The following SP4 variants were observed in gnomAD, a reference collection of about 807,000 sequenced individuals.
SP4 encodes transcription factor Sp4.
Under a neutral mutation model 72.8 loss-of-function variants are expected in SP4, and 19 were observed. The observed-to-expected ratio is 0.26, with a 90% CI of 0.18 to 0.38. The LOEUF (loss-of-function observed/expected upper bound fraction) is 0.38, where lower values mean the gene tolerates loss of function less well. Among genes scored for constraint, SP4 ranks in the 10% least tolerant of loss-of-function variants. The probability of loss-of-function intolerance (pLI) is 1.00; values close to 1 mark genes in which losing one functional copy is unlikely to be tolerated. For synonymous variants in SP4, 395 were observed against 333.1 expected, an observed-to-expected ratio of 1.19 and a Z score of -2.02; for missense variants, 1,008 against 926.3, an observed-to-expected ratio of 1.09 and a Z score of -1.14.
chr7:21,451,144 G>A (rs771682291), intron 3 of SP4, among the ~76,000 whole-genome samples: 2 of 152,148 alleles, frequency 1.3e-5, no homozygotes, highest in Non-Finnish European at 2.9e-5. Flanking sequence ...ATGCTCTCTT[G>A]AGCTGTTTTT....
At chr7:21,468,924 G>T (rs1170724869) in intron 3 of SP4, among the ~76,000 whole-genome samples, 1 of 152,076 alleles carries the variant, frequency 6.6e-6, no homozygotes, top group Non-Finnish European at 1.5e-5. Flanking sequence ...CATACTTCTG[G>T]TGGAAATGTA....
intron 5 of SP4, among the ~76,000 whole-genome samples, chr7:21,502,460 C>T (rs1781896158): frequency 6.6e-6 from 1 of 152,030 alleles, no homozygotes; most frequent in Non-Finnish European, 1.5e-5. Context: ...ATGACAGACT[C>T]TTACAAGTCT....
At chr7:21,448,354 A>G (rs1282712177) in intron 3 of SP4, among the ~76,000 whole-genome samples, 1 of 152,182 alleles carries the variant, frequency 6.6e-6, no homozygotes, top group Admixed American at 6.5e-5. Context: ...TAAGAATCCT[A>G]CTGTTTTTTA....
In SP4 at chr7:21,429,605, C is replaced by T. The variant is rs371357467; in HGVS notation, c.440C>T (p.Thr147Ile). The T allele has an allele frequency of 5.0e-6, 8 of 1,614,172 alleles. No individual in the cohort carries two copies. Among genetic ancestry groups the T allele is most frequent in the Non-Finnish European group, 5.9e-6 (7 of 1,179,998 alleles). Residue 147 changes from threonine to isoleucine, a missense_variant, in exon 3 of 6, where the codon ACC becomes ATC. Thr to Ile is a moderately conservative substitution (Grantham distance 89, BLOSUM62 -1). Around this residue, in one of 3 missense-constraint regions of SP4, gnomAD observed 893 missense variants for 743.3 expected, o/e 1.20. Transcript: ENST00000222584. ...AAAACTAAATCAGGTAATTCTTCCA[C>T]CCCTGGTCAATTTCAAGTCATACAA... ...PTKTKSGNSS[T>I]PGQFQVIQVQ...
chr7:21,464,537 C>G (rs939857265), intron 3 of SP4, among the ~76,000 whole-genome samples: 3 of 151,990 alleles, frequency 2.0e-5, no homozygotes, highest in African/African-American at 7.2e-5. Flanking sequence ...TCTGATACAC[C>G]CCTGCTCCGT....
At chr7:21,490,071 C>T (rs1052584498) in intron 5 of SP4, among the ~76,000 whole-genome samples, 2 of 152,196 alleles carry the variant, frequency 1.3e-5, no homozygotes, top group Non-Finnish European at 2.9e-5. Flanking sequence ...CCATTGACTA[C>T]ACTAAAAACT....
chr7:21,428,209 T>G lies in SP4; in HGVS notation c.-43T>G. ...CCTCGCCCCCACCCCCACCCACCTCTATCCCAGTGTCTCCGTCTGAGGGTT... is the reference window on the plus strand; with the variant it reads ...CCTCGCCCCCACCCCCACCCACCTCGATCCCAGTGTCTCCGTCTGAGGGTT... On this transcript the variant is annotated 5_prime_UTR_variant, in exon 1 of 6. Coordinates refer to ENST00000222584, the MANE Select transcript of SP4 (RefSeq NM_003112.5). The G allele has an allele frequency of 2.3e-6, 1 of 440,850 alleles. No individual in the cohort carries two copies. 27.3% of individuals were successfully genotyped at this position (440,850 alleles called of 1,614,324 possible). A position where few individuals can be genotyped will look rare whatever the true frequency, so the allele number is the denominator to read the frequency against.
At chr7:21,428,307 C>G (rs1055430930) in intron 1 of SP4, 49 bp downstream of exon 1, 4 of 1,023,672 alleles carry the variant, frequency 3.9e-6, no homozygotes, top group Non-Finnish European at 6.0e-6. Flanking sequence ...TCCCTCTCTC[C>G]CTCCCTCCCC....
chr7:21,478,644 ATGTT>A (rs1302870709), intron 4 of SP4, among the ~76,000 whole-genome samples: 13 of 152,300 alleles, frequency 8.5e-5, no homozygotes, highest in Admixed American at 7.8e-4. Flanking sequence ...CTTATTGGCC[ATGTT>A]TGTATCTTTG....
intron 3 of SP4, among the ~76,000 whole-genome samples, chr7:21,450,410 A>G (rs1783552592): frequency 1.3e-5 from 2 of 152,148 alleles, no homozygotes; most frequent in African/African-American, 2.4e-5. Flanking sequence ...TGAGGTAAAT[A>G]TACATGCTTT....
Position 21,496,741 on chromosome 7 carries a change from C to G in SP4, c.2108-14281C>G, listed in dbSNP as rs866754481. Reference sequence around the variant, plus strand: ...TTTCAAATATTCTTTCTTTAAACACCTTGGAACTAATGAGTCTCTCAGCCT... The same window carrying G: ...TTTCAAATATTCTTTCTTTAAACACGTTGGAACTAATGAGTCTCTCAGCCT... On this transcript the variant is annotated intron_variant, in intron 5 of 5. Transcript: ENST00000222584. Among the ~76,000 whole-genome samples, 49 of 152,020 alleles carry G rather than the reference C, an allele frequency of 3.2e-4. 1 individual carries two copies. The highest frequency in any genetic ancestry group is 3.4e-3 in the Middle Eastern group (1 of 294).
At chr7:21,447,028 C>CG in intron 3 of SP4, among the ~76,000 whole-genome samples, 1 of 152,300 alleles carries the variant, frequency 6.6e-6, no homozygotes, top group African/African-American at 2.4e-5. Context: ...CAGCCTTCAG[C>CG]AACAGCAAAG....
intron 3 of SP4, among the ~76,000 whole-genome samples, chr7:21,448,321 A>G (rs1025467687): frequency 2.0e-5 from 3 of 152,204 alleles, no homozygotes; most frequent in Non-Finnish European, 4.4e-5. Flanking sequence ...CTCTTAGTAA[A>G]GAATTTGTGT....
rs941218288 is a variant in SP4, at chr7:21,482,060, A to G, written c.2044A>G (p.Met682Val). 1.2e-6 allele frequency: 2 copies of G among 1,613,978 alleles called. No homozygotes were observed. Among genetic ancestry groups the G allele is most frequent in the Non-Finnish European group, 1.7e-6 (2 of 1,179,948 alleles). The part of the protein sequence containing the change: ...TGERPFICNW[M>V]FCGKRFTRSD... Reference sequence around the variant, plus strand: ...AGAAAGACCTTTTATATGCAACTGGATGTTTTGTGGCAAAAGATTCACACG... The same window carrying G: ...AGAAAGACCTTTTATATGCAACTGGGTGTTTTGTGGCAAAAGATTCACACG... The change falls in exon 5 of 6, where the codon ATG (methionine) becomes GTG (valine). Residue 682 changes from methionine (M) to valine (V), a missense_variant. Physicochemically the swap from Met to Val is conservative, Grantham distance 21. This residue lies in a region of SP4 where 48 missense variants were observed against 117.0 expected (regional missense o/e 0.41). Coordinates refer to ENST00000222584, the MANE Select transcript of SP4 (RefSeq NM_003112.5).
chr7:21,493,212 A>AG (rs59862023), intron 5 of SP4, among the ~76,000 whole-genome samples: 71 of 151,934 alleles, frequency 4.7e-4, no homozygotes, highest in African/African-American at 1.7e-3. Flanking sequence ...AAAAAAAAAA[A>AG]TCATACGAAG....
At position 21,514,503 on chromosome 7, in the gene SP4, G is replaced by A. The variant is rs1198817743; in HGVS notation, c.*3234G>A. On this transcript the variant is annotated 3_prime_UTR_variant, in exon 6 of 6. Transcript: ENST00000222584. ...AAAATTCCTTATAAAAAGTTTTGTA[G>A]TAACATTTCACTTGTAAATTTTTTT... 7.5e-6 allele frequency: 1 copy of A among 134,156 alleles called. No homozygotes were observed. The highest frequency in any genetic ancestry group is 2.8e-5 in the African/African-American group (1 of 35,274). 8.3% of individuals were successfully genotyped at this position (134,156 alleles called of 1,614,324 possible).
chr7:21,449,848 T>C (rs1356849587), intron 3 of SP4, among the ~76,000 whole-genome samples: 1 of 151,728 alleles, frequency 6.6e-6, no homozygotes, highest in African/African-American at 2.4e-5. Flanking sequence ...GGGAAAAAAA[T>C]TATAGGCAAG....
intron 3 of SP4, among the ~76,000 whole-genome samples, chr7:21,467,483 A>G (rs986982984): frequency 2.0e-5 from 3 of 152,146 alleles, no homozygotes; most frequent in Non-Finnish European, 2.9e-5. Flanking sequence ...TGACCTCATA[A>G]AGAAACCCTT....
intron 5 of SP4, among the ~76,000 whole-genome samples, chr7:21,491,079 G>A (rs536491997): frequency 6.6e-6 from 1 of 152,284 alleles, no homozygotes; most frequent in African/African-American, 2.4e-5. Context: ...GATAACAGAT[G>A]TCAAGATGAT....
Sources: gnomAD v4.1 joint callset for allele counts (sites outside exome capture counted in the v4.1 genomes callset) on GRCh38, gnomAD v4.1.1 for gene constraint, gnomAD v4.1.1 regional missense constraint, MANE v1.5 for transcripts, NCBI Gene and HGNC (gene_info 2026-07-23, HGNC 2026-07-21) for gene names.